BAMBI: variants seen among roughly 807,000 people sequenced by gnomAD.
BAMBI encodes the protein BMP and activin membrane bound inhibitor, also known as BMP and activin membrane-bound inhibitor homolog.
BAMBI carries 21 observed loss-of-function variants against 24.1 expected under a neutral mutation model. That is an observed-to-expected ratio of 0.87 (90% confidence interval 0.62 to 1.26). BAMBI has a LOEUF of 1.26. Ranked by LOEUF, BAMBI falls within the 50% of genes most tolerant of loss-of-function variation. The pLI, the probability that BAMBI is intolerant of heterozygous loss-of-function variation, is 0.00. For missense variants in BAMBI, 388 were observed against 329.1 expected (o/e 1.18, Z -1.38); for synonymous variants, 156 against 123.1 (o/e 1.27, Z -1.77).
At chr10:28,681,113 G>T in intron 1 of BAMBI, 145 bp from the exon 2 acceptor site, 1 of 773,082 alleles carries the variant, frequency 1.3e-6, no homozygotes, top group East Asian at 2.6e-5. Context: ...TGCAGGAAGG[G>T]CTTCTCCAGG....
chr10:28,681,640 T>C, intron 2 of BAMBI, 95 bp downstream of exon 2: 2 of 1,376,332 alleles, frequency 1.5e-6, no homozygotes, highest in South Asian at 1.3e-5. Context: ...TTGTTGTTAA[T>C]GTAATTAGAG....
intron 1 of BAMBI, among the ~76,000 whole-genome samples, chr10:28,678,837 C>T (rs1455282820): frequency 1.4e-5 from 2 of 147,590 alleles, no homozygotes; most frequent in Non-Finnish European, 3.0e-5. Context: ...AAAAAAAAGG[C>T]AGCGGGTCAG....
rs1278239889 is a variant in BAMBI, at chr10:28,677,761, C to T, written c.-137C>T. 6 of 457,148 alleles carry T rather than the reference C, an allele frequency of 1.3e-5. No individual in the cohort carries two copies. The East Asian group carries it at 3.0e-4, about 23-fold the overall frequency. The allele number at this position is 457,148 out of a possible 1,614,324, so 28.3% of individuals were successfully genotyped here. On this transcript the variant is annotated 5_prime_UTR_variant, in exon 1 of 3. Transcript: ENST00000375533. Reference sequence around the variant, plus strand: ...CCGCGCTCCATGCTCCGGCAGCGGCCCGAAACCCAGCCCCGCCGCTGACGG... The same window carrying T: ...CCGCGCTCCATGCTCCGGCAGCGGCTCGAAACCCAGCCCCGCCGCTGACGG...
At chr10:28,678,469 G>A (rs1834462427) in intron 1 of BAMBI, among the ~76,000 whole-genome samples, 1 of 152,216 alleles carries the variant, frequency 6.6e-6, no homozygotes. Flanking sequence ...ATCACTCAGC[G>A]TATCTCTGTG....
intron 1 of BAMBI, among the ~76,000 whole-genome samples, chr10:28,680,607 A>G (rs1403434443): frequency 6.6e-6 from 1 of 152,206 alleles, no homozygotes; most frequent in Non-Finnish European, 1.5e-5. Context: ...CAAGCAAACC[A>G]CTAATTGTAA....
Position 28,677,740 on chromosome 10 carries a change from G to C in BAMBI, c.-158G>C. The C allele has an allele frequency of 2.8e-6, 1 of 351,570 alleles. No homozygotes were observed. The highest frequency in any genetic ancestry group is 4.8e-6 in the Non-Finnish European group (1 of 210,408). 21.8% of individuals were successfully genotyped at this position (351,570 alleles called of 1,614,324 possible). A position where few individuals can be genotyped will look rare whatever the true frequency, so the allele number is the denominator to read the frequency against. On this transcript the variant is annotated 5_prime_UTR_variant, in exon 1 of 3. Coordinates refer to ENST00000375533, the MANE Select transcript of BAMBI (RefSeq NM_012342.3). Reference sequence around the variant, plus strand: ...GCTCCTGGGCGCGCCCTGTAGCCGCGCTCCATGCTCCGGCAGCGGCCCGAA... The same window carrying C: ...GCTCCTGGGCGCGCCCTGTAGCCGCCCTCCATGCTCCGGCAGCGGCCCGAA...
rs1429744586 is a variant in BAMBI at position 28,681,132 on chromosome 10, A to G, written c.77-126A>G. ...GGAAGGGCTTCTCCAGGCTCTGTAG[A>G]CTGGAGCCCTCAGCTTGGATGATCT... On this transcript the variant is annotated intron_variant, in intron 1 of 2. Coordinates refer to ENST00000375533, the MANE Select transcript of BAMBI (RefSeq NM_012342.3). 3.2e-6 allele frequency: 3 copies of G among 945,676 alleles called. No individual in the cohort carries two copies. The Admixed American group carries it at 7.9e-5, about 25-fold the overall frequency. 58.6% of individuals were successfully genotyped at this position (945,676 alleles called of 1,614,324 possible).
chr10:28,680,052 A>G (rs1168097816), intron 1 of BAMBI, among the ~76,000 whole-genome samples: 2 of 152,198 alleles, frequency 1.3e-5, no homozygotes, highest in East Asian at 3.8e-4. Context: ...AGATAATTAA[A>G]TGAGACACCT....
At position 28,682,789 on chromosome 10, in the gene BAMBI, A is replaced by G. The variant is rs1834514217; in HGVS notation, c.*388A>G. The G allele has an allele frequency of 6.2e-6, 1 of 160,818 alleles. No homozygotes were observed. Among genetic ancestry groups the G allele is most frequent in the South Asian group, 1.9e-4 (1 of 5,284 alleles). The allele number at this position is 160,818 out of a possible 1,614,324, so 10.0% of individuals were successfully genotyped here. ...CTGAAATTTAATAGTGTCTTTCATA[A>G]ATTTAACTGGGAAACGTGAGACAGT... On this transcript the variant is annotated 3_prime_UTR_variant, in exon 3 of 3. Transcript: ENST00000375533.
intron 1 of BAMBI, 93 bp from the exon 2 acceptor site, chr10:28,681,165 C>A (rs1313808486): frequency 2.1e-5 from 28 of 1,358,238 alleles, no homozygotes; most frequent in Non-Finnish European, 2.7e-5. Context: ...TCTAAAAGTT[C>A]ATGCCTTTGA....
chr10:28,681,301 TG>T lies in BAMBI; in HGVS notation c.122del (p.Gly41ValfsTer102). 6.2e-7 allele frequency: 1 copy of T among 1,613,978 alleles called. No homozygotes were observed. Among genetic ancestry groups the T allele is most frequent in the East Asian group, 2.2e-5 (1 of 44,890 alleles). The part of the protein sequence containing the change: ...YCDAAHCVAT[G>X]YMCKSELSAC... Reference sequence around the variant, plus strand: ...GTGATGCTGCCCACTGTGTAGCCACTGGTTATATGTGTAAATCTGAGCTCAG... The same window carrying T: ...GTGATGCTGCCCACTGTGTAGCCACTGTTATATGTGTAAATCTGAGCTCAG... On this transcript the variant is annotated frameshift_variant, in exon 2 of 3. Transcript: ENST00000375533. LOFTEE classifies it high-confidence loss of function.
In BAMBI at chr10:28,681,529, C is replaced by T. The variant is rs745953282; in HGVS notation, c.348C>T (p.Pro116=). The T allele has an allele frequency of 7.4e-6, 12 of 1,613,718 alleles. No individual in the cohort carries two copies. The highest frequency in any genetic ancestry group is 2.7e-5 in the African/African-American group (2 of 74,932). Reference sequence around the variant, plus strand: ...GGCTGCACGATGTTCTCTCTCCTCCCAGGGGTGAGGCCTCAGGTAGGTGGA... The same window carrying T: ...GGCTGCACGATGTTCTCTCTCCTCCTAGGGGTGAGGCCTCAGGTAGGTGGA... ...YRGLHDVLSP[P]RGEASGQGNR... is the part of the protein sequence containing the mutation. The change falls in exon 2 of 3, where the codon CCC becomes CCT. Residue 116 remains proline, a synonymous_variant. Coordinates refer to ENST00000375533, the MANE Select transcript of BAMBI (RefSeq NM_012342.3).
intron 1 of BAMBI, 33 bp downstream of exon 1, chr10:28,678,006 C>A (rs1258208977): frequency 2.7e-6 from 4 of 1,497,486 alleles, no homozygotes; most frequent in Non-Finnish European, 3.6e-6. Flanking sequence ...GCCCGGGGTC[C>A]CGTCCTCGCC....
chr10:28,678,657 C>G (rs1043404555), intron 1 of BAMBI, among the ~76,000 whole-genome samples: 2 of 151,838 alleles, frequency 1.3e-5, no homozygotes, highest in African/African-American at 2.4e-5. Context: ...GTGAGTGTGT[C>G]TCTGCGTACA....
At chr10:28,680,175 G>A (rs911186170) in intron 1 of BAMBI, among the ~76,000 whole-genome samples, 12 of 152,118 alleles carry the variant, frequency 7.9e-5, no homozygotes, top group Admixed American at 2.0e-4. Context: ...TCTTCAGACG[G>A]GAAACTGGAA....
At position 28,681,344 on chromosome 10, in the gene BAMBI, C is replaced by G; in HGVS notation, c.163C>G (p.Leu55Val). The change falls in exon 2 of 3, where the codon CTT (leucine) becomes GTT (valine). Residue 55 changes from leucine (L) to valine (V), a missense_variant. Physicochemically the swap from Leu to Val is conservative, Grantham distance 32. Transcript: ENST00000375533. The part of the protein sequence containing the change: ...KSELSACFSR[L>V]LDPQNSNSPL... ...TGAGCTCAGCGCCTGCTTCTCTAGA[C>G]TTCTTGATCCTCAGAACTCAAATTC... The G allele has an allele frequency of 6.2e-7, 1 of 1,614,190 alleles. No individual in the cohort carries two copies. The highest frequency in any genetic ancestry group is 8.5e-7 in the Non-Finnish European group (1 of 1,180,032).
Position 28,682,122 on chromosome 10 carries a change from T to G in BAMBI, c.504T>G (p.Leu168=). ...CTGGAGGGCTGATTTTAGTGTTGCT[T>G]ATTATGTTGGCCCTGAGGATGCTTC... ...PIAGGLILVL[L]IMLALRMLRS... Residue 168 remains leucine, a synonymous_variant, in exon 3 of 3, where the codon CTT becomes CTG. Coordinates refer to ENST00000375533, the MANE Select transcript of BAMBI (RefSeq NM_012342.3). The G allele has an allele frequency of 6.2e-7, 1 of 1,614,106 alleles. No homozygotes were observed. The highest frequency in any genetic ancestry group is 1.1e-5 in the South Asian group (1 of 91,070).
intron 1 of BAMBI, among the ~76,000 whole-genome samples, chr10:28,679,840 G>A (rs755469104): frequency 6.6e-6 from 1 of 151,938 alleles, no homozygotes; most frequent in Non-Finnish European, 1.5e-5. Context: ...GCAGAGAAGT[G>A]GTTCTGCAAA....
At chr10:28,681,884 T>G (rs1225046926) in intron 2 of BAMBI, 99 bp from the exon 3 acceptor site, 29 of 1,218,408 alleles carry the variant, frequency 2.4e-5, no homozygotes, top group African/African-American at 6.1e-5. Flanking sequence ...ATTGTAAGCT[T>G]CTTTTTAATG....
Sources: allele counts gnomAD v4.1 joint callset (sites outside exome capture counted in the v4.1 genomes callset), GRCh38; gene constraint gnomAD v4.1.1; transcripts MANE v1.5; gene names NCBI Gene and HGNC (gene_info 2026-07-23, HGNC 2026-07-21).